The following ESRRG variants were observed in gnomAD, a reference collection of about 807,000 sequenced individuals.
The protein encoded by ESRRG is estrogen-related receptor gamma.
In ESRRG, 13 loss-of-function variants were observed where a neutral mutation model predicts 44.0. The observed-to-expected ratio is 0.30, with a 90% CI of 0.19 to 0.47. ESRRG has a LOEUF of 0.47. ESRRG is among the 20% of genes least tolerant of loss of function. The pLI, the probability that ESRRG is intolerant of heterozygous loss-of-function variation, is 1.00. For synonymous variants in ESRRG, 215 were observed against 214.6 expected (o/e 1.00, Z -0.02); for missense variants, 395 against 580.6 (o/e 0.68, Z 3.29).
At chr1:216,914,572 T>G (rs955112450) in intron 2 of ESRRG, among the ~76,000 whole-genome samples, 3 of 152,234 alleles carry the variant, frequency 2.0e-5, no homozygotes, top group Non-Finnish European at 2.9e-5. Context: ...CATGTCCAAT[T>G]GTCTGCTGAC....
chr1:216,747,209 T>C (rs1040537019), intron 2 of ESRRG, among the ~76,000 whole-genome samples: 5 of 152,182 alleles, frequency 3.3e-5, no homozygotes, highest in Non-Finnish European at 5.9e-5. Flanking sequence ...AGACGTCATT[T>C]AAATTGCCTG....
Position 216,932,735 on chromosome 1 carries a change from T to G in ESRRG, c.-14+6847A>C, listed in dbSNP as rs948934099. ...ACCAAACTTGTTTTTTTTTTTTTTT[T>G]TTTTTTTTTTTGGTAGAGAAAAGGA... On this transcript the variant is annotated intron_variant, in intron 2 of 7. Transcript: ENST00000359162. Among the ~76,000 whole-genome samples the G allele has an allele frequency of 6.1e-5, 9 of 147,908 alleles. 1 individual carries two copies. The highest frequency in any genetic ancestry group is 4.7e-4 in the Admixed American group (7 of 14,776).
intron 1 of ESRRG, among the ~76,000 whole-genome samples, chr1:216,704,865 A>T (rs2082143499): frequency 1.3e-5 from 2 of 152,180 alleles, no homozygotes; most frequent in African/African-American, 4.8e-5. Context: ...GGAAAATTTG[A>T]TTCAAGTCTG....
chr1:216,572,296 A>AT (rs2060949130), intron 3 of ESRRG, among the ~76,000 whole-genome samples: 4 of 152,052 alleles, frequency 2.6e-5, no homozygotes, highest in Admixed American at 2.0e-4. Flanking sequence ...GTAAAACCAG[A>AT]TTTTTCCCCC....
intron 3 of ESRRG, among the ~76,000 whole-genome samples, chr1:216,646,112 G>A (rs1348819927): frequency 4.6e-5 from 7 of 151,742 alleles, no homozygotes; most frequent in African/African-American, 1.2e-4. Flanking sequence ...CCTTCACCTC[G>A]AATATTGTTA....
intron 3 of ESRRG, among the ~76,000 whole-genome samples, chr1:216,577,511 CA>C (rs377009051): frequency 3.5e-4 from 53 of 152,052 alleles, no homozygotes; most frequent in African/African-American, 1.2e-3. Context: ...ACACTGGCAG[CA>C]ATAAGTTTAA....
chr1:216,601,095 C>T (rs773960228), intron 3 of ESRRG, among the ~76,000 whole-genome samples: 1 of 152,146 alleles, frequency 6.6e-6, no homozygotes, highest in African/African-American at 2.4e-5. Context: ...GCGGCAGCAG[C>T]GGGTTGGGGA....
upstream of ESRRG, among the ~76,000 whole-genome samples, chr1:217,091,165 C>G (rs11572380): frequency 0.036 from 5,416 of 152,228 alleles, 292 homozygotes; most frequent in African/African-American, 0.12. Flanking sequence ...GGAGTAACAA[C>G]ATTTGTTTAG....
intron 1 of ESRRG, among the ~76,000 whole-genome samples, chr1:217,098,639 G>A (rs2151563237): frequency 6.6e-6 from 1 of 152,330 alleles, no homozygotes; most frequent in East Asian, 1.9e-4. Flanking sequence ...GGAAGAAAAG[G>A]AGGGTGGAAG....
chr1:216,627,412 C>T (rs747348440), intron 3 of ESRRG, among the ~76,000 whole-genome samples: 8 of 152,146 alleles, frequency 5.3e-5, no homozygotes, highest in East Asian at 3.9e-4. Flanking sequence ...GATGCCAGCT[C>T]GGCTTCCTCA....
At chr1:216,585,055 ATCAATAC>A (rs2063508990) in intron 3 of ESRRG, among the ~76,000 whole-genome samples, 3 of 152,246 alleles carry the variant, frequency 2.0e-5, no homozygotes, top group Non-Finnish European at 4.4e-5. Context: ...TCATTCATCT[ATCAATAC>A]GTGTTCAGCC....
intron 1 of ESRRG, among the ~76,000 whole-genome samples, chr1:217,124,626 G>A (rs1056203339): frequency 3.9e-5 from 6 of 152,058 alleles, no homozygotes; most frequent in African/African-American, 1.4e-4. Context: ...CACCACTCTT[G>A]AGTTATCTGA....
intron 5 of ESRRG, among the ~76,000 whole-genome samples, chr1:216,540,082 T>C (rs1228661705): frequency 1.3e-5 from 2 of 152,176 alleles, no homozygotes; most frequent in South Asian, 2.1e-4. Context: ...ACATTGTATG[T>C]AGAATTTATG....
chr1:216,660,767 G>A (rs1254190882), intron 2 of ESRRG, among the ~76,000 whole-genome samples: 2 of 152,116 alleles, frequency 1.3e-5, no homozygotes, highest in Admixed American at 1.3e-4. Context: ...GCAGCTGTGG[G>A]ATAGGATAGG....
At chr1:216,997,201 G>A (rs572525220) in intron 1 of ESRRG, among the ~76,000 whole-genome samples, 73 of 152,174 alleles carry the variant, frequency 4.8e-4, no homozygotes, top group Admixed American at 5.2e-4. Flanking sequence ...TCATAGGGCT[G>A]TACTGCAGTT....
intron 3 of ESRRG, among the ~76,000 whole-genome samples, chr1:216,592,964 G>T (rs1418274835): frequency 6.6e-6 from 1 of 152,180 alleles, no homozygotes; most frequent in Non-Finnish European, 1.5e-5. Context: ...AATGAGGAAG[G>T]TGAGGCAGAT....
intron 1 of ESRRG, among the ~76,000 whole-genome samples, chr1:217,129,815 T>C (rs1287518291): frequency 2.6e-5 from 4 of 151,904 alleles, no homozygotes; most frequent in Admixed American, 6.6e-5. Context: ...GAGGGAAGAA[T>C]GAGGAGTGAC....
chr1:216,921,677 C>G (rs1251843009), intron 2 of ESRRG, among the ~76,000 whole-genome samples: 2 of 152,200 alleles, frequency 1.3e-5, no homozygotes, highest in African/African-American at 4.8e-5. Context: ...CTCTACTCTC[C>G]TGCTTTCTCT....
intron 1 of ESRRG, 141 bp downstream of exon 1, chr1:216,723,103 C>CA (rs2086700542): frequency 1.5e-6 from 1 of 688,366 alleles, no homozygotes. Context: ...ACACAAAAGA[C>CA]ACAAGACAGA....
Sources: gnomAD v4.1 joint callset for allele counts (sites outside exome capture counted in the v4.1 genomes callset) on GRCh38, gnomAD v4.1.1 for gene constraint, MANE v1.5 for transcripts, NCBI Gene and HGNC (gene_info 2026-07-23, HGNC 2026-07-21) for gene names.